Variants in CPQ observed in about 807,000 individuals in gnomAD.
CPQ encodes carboxypeptidase Q.
In CPQ, 37 loss-of-function variants were observed where a neutral mutation model predicts 45.7. That is an observed-to-expected ratio of 0.81 (90% CI 0.62 to 1.07). The LOEUF is 1.07. Among genes scored for constraint, CPQ ranks in the 50% least tolerant of loss-of-function variants. The pLI, the probability that CPQ is intolerant of heterozygous loss-of-function variation, is 0.00. For synonymous variants in CPQ, 186 were observed against 205.8 expected (o/e 0.90, Z 0.82); for missense variants, 537 against 572.9 (o/e 0.94, Z 0.64).
chr8:96,828,439 G>A (rs567560734), intron 2 of CPQ, among the ~76,000 whole-genome samples: 4 of 151,914 alleles, frequency 2.6e-5, no homozygotes, highest in African/African-American at 9.7e-5. Context: ...CCTCCAGCCA[G>A]TGTCTCCTAG....
At chr8:96,850,590 T>TTATG (rs1811758532) in intron 3 of CPQ, among the ~76,000 whole-genome samples, 2 of 134,340 alleles carry the variant, frequency 1.5e-5, no homozygotes, top group Admixed American at 1.5e-4. Flanking sequence ...TTTATTTTAT[T>TTATG]TATTTATTTA....
At chr8:96,960,560 T>A (rs1022852276) in intron 4 of CPQ, among the ~76,000 whole-genome samples, 2 of 152,182 alleles carry the variant, frequency 1.3e-5, no homozygotes. Context: ...GGATTACACA[T>A]GTTCTCACCA....
At chr8:96,965,799 A>G (rs1378415263) in intron 4 of CPQ, 136 bp from the exon 5 acceptor site, 1 of 548,980 alleles carries the variant, frequency 1.8e-6, no homozygotes, top group East Asian at 3.1e-5. Flanking sequence ...TAATAATGAC[A>G]CATATCTTTA....
At chr8:96,660,047 A>G (rs1043880515) in intron 1 of CPQ, among the ~76,000 whole-genome samples, 1 of 152,196 alleles carries the variant, frequency 6.6e-6, no homozygotes, top group Non-Finnish European at 1.5e-5. Context: ...AAGATCTGTA[A>G]TTAAGGTATA....
At chr8:96,721,605 C>G (rs971677927) in intron 1 of CPQ, among the ~76,000 whole-genome samples, 2 of 152,062 alleles carry the variant, frequency 1.3e-5, no homozygotes, top group Non-Finnish European at 2.9e-5. Flanking sequence ...TTACTTTCAG[C>G]CTCCATACTA....
At chr8:96,763,942 T>C (rs1810436898) in intron 1 of CPQ, among the ~76,000 whole-genome samples, 1 of 152,186 alleles carries the variant, frequency 6.6e-6, no homozygotes, top group African/African-American at 2.4e-5. Context: ...GAATGTAAAC[T>C]GGTACAACCA....
At chr8:96,960,594 A>G (rs2130353859) in intron 4 of CPQ, among the ~76,000 whole-genome samples, 1 of 152,326 alleles carries the variant, frequency 6.6e-6, no homozygotes, top group East Asian at 1.9e-4. Context: ...ACAGAACACT[A>G]TCAGTGTCTT....
chr8:96,744,362 C>T (rs144439869), intron 1 of CPQ, among the ~76,000 whole-genome samples: 6,416 of 152,300 alleles, frequency 0.042, 178 homozygotes, highest in Middle Eastern at 0.099. Context: ...ACCCACTGAC[C>T]TGTGCCCACT....
At chr8:96,747,408 G>A (rs1338500928) in intron 1 of CPQ, among the ~76,000 whole-genome samples, 2 of 151,866 alleles carry the variant, frequency 1.3e-5, no homozygotes, top group Admixed American at 1.3e-4. Context: ...AACAAATTTT[G>A]AGAAAGGCCT....
intron 7 of CPQ, among the ~76,000 whole-genome samples, chr8:97,125,137 A>G (rs1171791475): frequency 6.6e-6 from 1 of 152,168 alleles, no homozygotes; most frequent in Non-Finnish European, 1.5e-5. Context: ...AAAAAATTCA[A>G]CAACGCAGAT....
At chr8:96,970,642 C>G (rs1376651387) in intron 5 of CPQ, among the ~76,000 whole-genome samples, 1 of 151,718 alleles carries the variant, frequency 6.6e-6, no homozygotes, top group Non-Finnish European at 1.5e-5. Flanking sequence ...CGGCTCACTG[C>G]AAGCTCCGCC....
intron 1 of CPQ, among the ~76,000 whole-genome samples, chr8:96,717,024 AATATAT>A (rs58338307): frequency 0.015 from 843 of 56,374 alleles, 9 homozygotes; most frequent in African/African-American, 0.017. Context: ...CCATGATATA[AATATAT>A]ATATATATAT....
chr8:96,684,668 C>A (rs1052267178), intron 1 of CPQ, among the ~76,000 whole-genome samples: 4 of 152,042 alleles, frequency 2.6e-5, no homozygotes, highest in Non-Finnish European at 5.9e-5. Flanking sequence ...CCAGTGGCAG[C>A]AAGAGGGATG....
At chr8:96,938,054 T>C (rs1813077408) in intron 4 of CPQ, among the ~76,000 whole-genome samples, 1 of 152,218 alleles carries the variant, frequency 6.6e-6, no homozygotes, top group African/African-American at 2.4e-5. Context: ...GTTAGTTATA[T>C]AATACAGAAA....
At chr8:96,710,916 A>G (rs184286853) in intron 1 of CPQ, among the ~76,000 whole-genome samples, 3 of 152,226 alleles carry the variant, frequency 2.0e-5, no homozygotes, top group Non-Finnish European at 4.4e-5. Context: ...TTCTGCCTCT[A>G]TGATCTGTCT....
chr8:97,101,080 T>C (rs547939481), intron 7 of CPQ, among the ~76,000 whole-genome samples: 24 of 152,244 alleles, frequency 1.6e-4, no homozygotes, highest in Middle Eastern at 3.4e-3. Flanking sequence ...TGTCAGGAAA[T>C]GTTAGAGAAA....
intron 1 of CPQ, among the ~76,000 whole-genome samples, chr8:96,686,538 G>A (rs1809230181): frequency 6.6e-6 from 1 of 151,692 alleles, no homozygotes; most frequent in South Asian, 2.1e-4. Context: ...TTTATTTGGT[G>A]CATAAACACC....
intron 2 of CPQ, among the ~76,000 whole-genome samples, chr8:96,800,239 G>A (rs969075041): frequency 5.3e-5 from 8 of 152,118 alleles, no homozygotes; most frequent in Non-Finnish European, 1.5e-5. Flanking sequence ...CTAAAAGCTA[G>A]CAAGTATGTA....
chr8:97,056,109 C>G (rs9297274), intron 6 of CPQ, among the ~76,000 whole-genome samples: 1 of 133,404 alleles, frequency 7.5e-6, no homozygotes, highest in Non-Finnish European at 1.5e-5. Flanking sequence ...AAAACACACA[C>G]ACACACACAC....
Sources: gnomAD v4.1 joint callset for allele counts (sites outside exome capture counted in the v4.1 genomes callset) on GRCh38, gnomAD v4.1.1 for gene constraint, MANE v1.5 for transcripts, NCBI Gene and HGNC (gene_info 2026-07-23, HGNC 2026-07-21) for gene names.